Variants in KLHL29 observed in about 807,000 individuals in gnomAD.
The protein encoded by KLHL29 is kelch-like protein 29.
KLHL29 carries 21 observed loss-of-function variants against 80.4 expected under a neutral mutation model. The ratio of observed to expected loss-of-function variants is 0.26; its 90% CI spans 0.19 to 0.38. The LOEUF is 0.38. KLHL29 is among the 10% of genes least tolerant of loss of function. KLHL29 has a pLI of 1.00. For missense variants in KLHL29, 867 were observed against 1,223.9 expected, an observed-to-expected ratio of 0.71 and a Z score of 4.35; for synonymous variants, 511 against 526.8, an observed-to-expected ratio of 0.97 and a Z score of 0.41.
At chr2:23,547,854 A>G (rs1196041826) in intron 2 of KLHL29, among the ~76,000 whole-genome samples, 2 of 152,140 alleles carry the variant, frequency 1.3e-5, no homozygotes, top group African/African-American at 4.8e-5. Context: ...GGATGAGGCC[A>G]GGAGCAGCAA....
chr2:23,435,835 A>C (rs149534090), intron 1 of KLHL29, among the ~76,000 whole-genome samples: 1 of 151,720 alleles, frequency 6.6e-6, no homozygotes, highest in Non-Finnish European at 1.5e-5. Flanking sequence ...TTGCCCCAGC[A>C]ATGAATGGCC....
At chr2:23,387,912 A>G (rs1228119411) in intron 1 of KLHL29, among the ~76,000 whole-genome samples, 2 of 152,198 alleles carry the variant, frequency 1.3e-5, no homozygotes, top group Non-Finnish European at 2.9e-5. Flanking sequence ...TTTTCTGCAC[A>G]AACATCTTAT....
At chr2:23,646,881 C>T (rs727291) in intron 5 of KLHL29, among the ~76,000 whole-genome samples, 48,984 of 152,120 alleles carry the variant, frequency 0.32, 9,417 homozygotes, top group East Asian at 0.47. Context: ...ACAGTACCAC[C>T]CTCACAGGGC....
At chr2:23,557,653 G>T (rs960529717) in intron 2 of KLHL29, among the ~76,000 whole-genome samples, 34 of 152,074 alleles carry the variant, frequency 2.2e-4, no homozygotes, top group African/African-American at 7.5e-4. Flanking sequence ...AGAGTGGAGA[G>T]GTTTTACTGG....
chr2:23,446,367 C>T (rs1203645456), intron 1 of KLHL29, among the ~76,000 whole-genome samples: 1 of 152,158 alleles, frequency 6.6e-6, no homozygotes, highest in Admixed American at 6.5e-5. Context: ...ATTGATCTGT[C>T]AGACCCAAGG....
intron 1 of KLHL29, among the ~76,000 whole-genome samples, chr2:23,411,586 C>G (rs992816146): frequency 4.6e-5 from 7 of 151,948 alleles, no homozygotes; most frequent in Non-Finnish European, 5.9e-5. Context: ...GTGTGTGTGC[C>G]GCAAGAGTTT....
chr2:23,444,832 A>G (rs1208816410), intron 1 of KLHL29, among the ~76,000 whole-genome samples: 1 of 152,206 alleles, frequency 6.6e-6, no homozygotes, highest in Non-Finnish European at 1.5e-5. Flanking sequence ...TGAGTTGAAA[A>G]GTCATTTGAA....
At chr2:23,565,283 T>C (rs1275362812) in intron 3 of KLHL29, among the ~76,000 whole-genome samples, 1 of 152,082 alleles carries the variant, frequency 6.6e-6, no homozygotes, top group Non-Finnish European at 1.5e-5. Flanking sequence ...AGGCTGGTCT[T>C]GAACTCCTGA....
At chr2:23,470,356 G>A (rs1002791576) in intron 1 of KLHL29, among the ~76,000 whole-genome samples, 2 of 152,136 alleles carry the variant, frequency 1.3e-5, no homozygotes, top group Admixed American at 6.5e-5. Context: ...GAAGGGTGAC[G>A]GCAGCTGGAG....
chr2:23,609,906 C>T (rs748276377), intron 3 of KLHL29, among the ~76,000 whole-genome samples: 2 of 152,160 alleles, frequency 1.3e-5, no homozygotes, highest in African/African-American at 2.4e-5. Flanking sequence ...GAACCCACCC[C>T]TGACCCCCCA....
chr2:23,484,017 C>G lies in KLHL29; in HGVS notation c.-46+8350C>G, dbSNP rs561551796. On this transcript the variant is annotated intron_variant, in intron 2 of 13. Transcript: ENST00000486442. Reference sequence around the variant, plus strand: ...TGGGCTGCAATGTGGTCCCAACCCCCACTCAGGAAGAGAACTGAAGGAGTC... The same window carrying G: ...TGGGCTGCAATGTGGTCCCAACCCCGACTCAGGAAGAGAACTGAAGGAGTC... 1.4e-4 allele frequency among the ~76,000 whole-genome samples: 21 copies of G among 152,330 alleles called. 1 individual carries two copies. The South Asian group carries it at 1.5e-3, about 11-fold the overall frequency.
At chr2:23,536,793 A>G (rs1178108811) in intron 2 of KLHL29, among the ~76,000 whole-genome samples, 1 of 152,134 alleles carries the variant, frequency 6.6e-6, no homozygotes, top group Non-Finnish European at 1.5e-5. Context: ...GTTGATGTAG[A>G]TAAGTAGGTA....
chr2:23,421,233 A>G (rs1316888345), intron 1 of KLHL29, among the ~76,000 whole-genome samples: 1 of 152,154 alleles, frequency 6.6e-6, no homozygotes, highest in Admixed American at 6.5e-5. Flanking sequence ...AATGGTTGGC[A>G]CCTGTCTTGT....
chr2:23,543,303 T>A (rs969391729), intron 2 of KLHL29, among the ~76,000 whole-genome samples: 1 of 152,016 alleles, frequency 6.6e-6, no homozygotes, highest in African/African-American at 2.4e-5. Flanking sequence ...CCAGCTGTGG[T>A]CCCCAAGAAA....
At chr2:23,496,223 G>C (rs1298852731) in intron 2 of KLHL29, among the ~76,000 whole-genome samples, 1 of 152,188 alleles carries the variant, frequency 6.6e-6, no homozygotes, top group East Asian at 1.9e-4. Context: ...ATTTGGTTTT[G>C]CATCCTTAGA....
intron 2 of KLHL29, among the ~76,000 whole-genome samples, chr2:23,518,174 G>C (rs79652330): frequency 2.0e-5 from 3 of 152,192 alleles, no homozygotes; most frequent in South Asian, 2.1e-4. Flanking sequence ...CAGCCCCTCC[G>C]TGGGGACCCA....
At position 23,609,715 on chromosome 2, in the gene KLHL29, G is replaced by T. The variant is rs144608200; in HGVS notation, c.286-29424G>T. Among the ~76,000 whole-genome samples the T allele has an allele frequency of 1.2e-3, 188 of 152,240 alleles. No individual in the cohort carries two copies. The Middle Eastern group carries it at 0.014, about 11-fold the overall frequency. ...AATACATAATACGCTCTTACCATGT[G>T]CCAGAGCCTACTACAAGCACTTTGC... is the stretch of plus-strand genomic sequence containing the variant. On this transcript the variant is annotated intron_variant, in intron 3 of 13. Coordinates refer to ENST00000486442, the MANE Select transcript of KLHL29 (RefSeq NM_052920.2).
chr2:23,432,796 G>A (rs1396972676), intron 1 of KLHL29, among the ~76,000 whole-genome samples: 6 of 152,202 alleles, frequency 3.9e-5, no homozygotes, highest in South Asian at 2.1e-4. Context: ...AGAGGGAGTC[G>A]GGGGCAACTG....
chr2:23,705,384 C>T (rs1672653708), intron 13 of KLHL29, among the ~76,000 whole-genome samples: 1 of 151,994 alleles, frequency 6.6e-6, no homozygotes, highest in Non-Finnish European at 1.5e-5. Flanking sequence ...CCAGCTAACT[C>T]AGGAGGCTGA....
Sources: allele counts gnomAD v4.1 joint callset (sites outside exome capture counted in the v4.1 genomes callset), GRCh38; gene constraint gnomAD v4.1.1; transcripts MANE v1.5; gene names NCBI Gene and HGNC (gene_info 2026-07-23, HGNC 2026-07-21).